Variants in PGAP1 observed in about 807,000 individuals in gnomAD.
The protein encoded by PGAP1 is GPI inositol-deacylase.
Under a neutral mutation model 127.0 loss-of-function variants are expected in PGAP1, and 76 were observed. The ratio of observed to expected loss-of-function variants is 0.60; its 90% confidence interval spans 0.50 to 0.72. The LOEUF (loss-of-function observed/expected upper bound fraction) is 0.72, where lower values mean the gene tolerates loss of function less well. PGAP1 is among the 30% of genes least tolerant of loss of function. The pLI, the probability that PGAP1 is intolerant of heterozygous loss-of-function variation, is 0.00. For synonymous variants in PGAP1, 362 were observed against 366.5 expected, an observed-to-expected ratio of 0.99 and a Z score of 0.14; for missense variants, 982 against 1,071.3, an observed-to-expected ratio of 0.92 and a Z score of 1.16.
intron 1 of PGAP1, among the ~76,000 whole-genome samples, chr2:196,924,153 C>T (rs1049847051): frequency 6.6e-6 from 1 of 151,824 alleles, no homozygotes. Flanking sequence ...AAATTTATGC[C>T]CCATCTTTTA....
chr2:196,881,667 T>G (rs1477143649), intron 12 of PGAP1, among the ~76,000 whole-genome samples: 1 of 152,256 alleles, frequency 6.6e-6, no homozygotes, highest in Non-Finnish European at 1.5e-5. Context: ...ATGTATGTCT[T>G]CTTTTGAAAA....
At chr2:196,881,862 T>C (rs1157929134) in intron 12 of PGAP1, among the ~76,000 whole-genome samples, 2 of 152,242 alleles carry the variant, frequency 1.3e-5, no homozygotes, top group African/African-American at 4.8e-5. Context: ...AGAAACTTTT[T>C]AGTTTAATTA....
At position 196,834,092 on chromosome 2, in the gene PGAP1, G is replaced by A. The variant is rs142114769; in HGVS notation, c.*7142C>T. The A allele has an allele frequency of 1.3e-5, 2 of 152,082 alleles. No individual in the cohort carries two copies. The highest frequency in any genetic ancestry group is 1.9e-4 in the East Asian group (1 of 5,178). The allele number at this position is 152,082 out of a possible 1,614,324, so 9.4% of individuals were successfully genotyped here. A position where few individuals can be genotyped will look rare whatever the true frequency, so the allele number is the denominator to read the frequency against. ...AATGAGCACAAGTCAAAGAATTCAT[G>A]TCTTTGACAGATTACTCATTAATAA... On this transcript the variant is annotated 3_prime_UTR_variant, in exon 27 of 27. Coordinates refer to ENST00000354764, the MANE Select transcript of PGAP1 (RefSeq NM_024989.4).
chr2:196,873,828 T>C (rs984545937), intron 14 of PGAP1, 70 bp from the exon 15 acceptor site: 5 of 1,054,566 alleles, frequency 4.7e-6, no homozygotes, highest in Non-Finnish European at 7.4e-6. Flanking sequence ...GATTATTTAA[T>C]TAGCATTAAG....
rs1035139164 is a variant in PGAP1, at chr2:196,862,121, C to A, written c.1861+2866G>T. On this transcript the variant is annotated intron_variant, in intron 20 of 26. Transcript: ENST00000354764. ...GGCAGAACAGAGCCATATTTCTCTTCTTTCAAAAGCAAATGGGAGAAATAT... is the reference window on the plus strand; with the variant it reads ...GGCAGAACAGAGCCATATTTCTCTTATTTCAAAAGCAAATGGGAGAAATAT... Among the ~76,000 whole-genome samples the A allele has an allele frequency of 2.6e-5, 4 of 152,140 alleles. No individual in the cohort carries two copies. The South Asian group carries it at 8.3e-4, about 32-fold the overall frequency.
chr2:196,898,388 A>G lies in PGAP1; in HGVS notation c.808-19T>C, dbSNP rs753529028. 2.5e-6 allele frequency: 4 copies of G among 1,585,428 alleles called. No individual in the cohort carries two copies. In the South Asian group the frequency reaches 4.5e-5, roughly 18 times the overall value. On this transcript the variant is annotated intron_variant, in intron 5 of 26. Coordinates refer to ENST00000354764, the MANE Select transcript of PGAP1 (RefSeq NM_024989.4). Reference sequence around the variant, plus strand: ...CTGAACTCTAAAAGAAAAGAAAAAAATAAACTTACGAAAAGCACATTTGTT... The same window carrying G: ...CTGAACTCTAAAAGAAAAGAAAAAAGTAAACTTACGAAAAGCACATTTGTT...
Position 196,836,460 on chromosome 2 carries a change from T to C in PGAP1, c.*4774A>G, listed in dbSNP as rs141779475. The C allele has an allele frequency of 1.3e-5, 2 of 152,324 alleles. No individual in the cohort carries two copies. The highest frequency in any genetic ancestry group is 4.8e-5 in the African/African-American group (2 of 41,578). 9.4% of individuals were successfully genotyped at this position (152,324 alleles called of 1,614,324 possible). On this transcript the variant is annotated 3_prime_UTR_variant, in exon 27 of 27. Transcript: ENST00000354764. ...GATAATAAATTCATATAAGTTCTTCTGTACTCAATACAATTTATCAAAAAA... is the reference window on the plus strand; with the variant it reads ...GATAATAAATTCATATAAGTTCTTCCGTACTCAATACAATTTATCAAAAAA...
At chr2:196,922,227 G>C (rs1183336613) in intron 1 of PGAP1, 3 of 1,263,064 alleles carry the variant, frequency 2.4e-6, no homozygotes, top group Admixed American at 2.5e-5. Flanking sequence ...TAAACTCCCA[G>C]GTAATAGAAA....
Position 196,833,085 on chromosome 2 carries a change from C to G in PGAP1, c.*8149G>C, listed in dbSNP as rs935124847. ...AAAAAGAAAGCACCAAAAATTACTA[C>G]ACATTAATACCTGAGCAGAGACTGA... On this transcript the variant is annotated 3_prime_UTR_variant, in exon 27 of 27. Coordinates refer to ENST00000354764, the MANE Select transcript of PGAP1 (RefSeq NM_024989.4). The G allele has an allele frequency of 6.6e-6, 1 of 152,546 alleles. No homozygotes were observed. The highest frequency in any genetic ancestry group is 1.5e-5 in the Non-Finnish European group (1 of 68,032). 9.4% of individuals were successfully genotyped at this position (152,546 alleles called of 1,614,324 possible). A position where few individuals can be genotyped will look rare whatever the true frequency, so the allele number is the denominator to read the frequency against.
At chr2:196,862,292 G>GCTCCCAGGCTTATTAGGAAGAGGAAA (rs1701094463) in intron 20 of PGAP1, among the ~76,000 whole-genome samples, 1 of 151,888 alleles carries the variant, frequency 6.6e-6, no homozygotes, top group East Asian at 1.9e-4. Flanking sequence ...CTCTCATAGT[G>GCTCCCAGGCTTATTAGGAAGAGGAAA]CTCCCAGGCT....
intron 5 of PGAP1, among the ~76,000 whole-genome samples, chr2:196,900,069 AG>A (rs1331360402): frequency 6.6e-6 from 1 of 152,172 alleles, no homozygotes; most frequent in African/African-American, 2.4e-5. Context: ...ACACAAAGTG[AG>A]TTTTTTCTAA....
Position 196,875,761 on chromosome 2 carries a change from G to T in PGAP1, c.1411C>A (p.His471Asn). The part of the protein sequence containing the change: ...EKRYIQLPVT[H>N]LFSFGLSSRK... The stretch of plus-strand genomic sequence containing the variant: ...AAGTACTTACCAAAGGAAAAAAGAT[G>T]AGTTACAGGAAGCTGTATGTATCTT... The change falls in exon 14 of 27, where the codon CAT becomes AAT. Residue 471 changes from histidine to asparagine, a missense_variant. By Grantham distance (68) the His-to-Asn change is moderately conservative. Coordinates refer to ENST00000354764, the MANE Select transcript of PGAP1 (RefSeq NM_024989.4). 6.5e-7 allele frequency: 1 copy of T among 1,541,274 alleles called. No homozygotes were observed. Among genetic ancestry groups the T allele is most frequent in the South Asian group, 1.1e-5 (1 of 87,862 alleles).
At position 196,880,956 on chromosome 2, in the gene PGAP1, T is replaced by C. The variant is rs187412953; in HGVS notation, c.1273-803A>G. ...TCATGGGGGTTTGTTGTACAGATTATTTCATCACCCAGGTACTAAGCCTAG... is the reference window on the plus strand; with the variant it reads ...TCATGGGGGTTTGTTGTACAGATTACTTCATCACCCAGGTACTAAGCCTAG... On this transcript the variant is annotated intron_variant, in intron 12 of 26. Transcript: ENST00000354764. Among the ~76,000 whole-genome samples the C allele has an allele frequency of 4.9e-4, 75 of 152,288 alleles. 1 individual carries two copies. In the East Asian group the frequency reaches 0.01, roughly 21 times the overall value.
intron 4 of PGAP1, among the ~76,000 whole-genome samples, chr2:196,905,223 T>A (rs2125829746): frequency 6.6e-6 from 1 of 152,286 alleles, no homozygotes; most frequent in African/African-American, 2.4e-5. Context: ...ATACGGGTCA[T>A]CTACATACAC....
At chr2:196,897,839 C>T (rs1702338699) in intron 6 of PGAP1, among the ~76,000 whole-genome samples, 1 of 152,170 alleles carries the variant, frequency 6.6e-6, no homozygotes, top group South Asian at 2.1e-4. Flanking sequence ...CTTGGTCAAA[C>T]TGAAACAAGA....
intron 5 of PGAP1, among the ~76,000 whole-genome samples, 175 bp downstream of exon 5, chr2:196,902,410 T>C (rs1702526719): frequency 6.6e-6 from 1 of 151,536 alleles, no homozygotes; most frequent in South Asian, 2.1e-4. Flanking sequence ...CATTCATTCA[T>C]TCATTTTCTC....
At chr2:196,866,007 T>A (rs1273041500) in intron 19 of PGAP1, among the ~76,000 whole-genome samples, 1 of 152,194 alleles carries the variant, frequency 6.6e-6, no homozygotes, top group African/African-American at 2.4e-5. Flanking sequence ...TTCATGCTCA[T>A]GGATAGGAAG....
chr2:196,845,377 T>C (rs1466897664), intron 23 of PGAP1, among the ~76,000 whole-genome samples: 3 of 151,646 alleles, frequency 2.0e-5, no homozygotes, highest in African/African-American at 4.8e-5. Context: ...TTTGCAAAGC[T>C]GTCAGCTTTA....
At position 196,844,003 on chromosome 2, in the gene PGAP1, A is replaced by C. The variant is rs199805706; in HGVS notation, c.2410T>G (p.Leu804Val). The C allele has an allele frequency of 4.4e-6, 7 of 1,608,694 alleles. No homozygotes were observed. Among genetic ancestry groups the C allele is most frequent in the Non-Finnish European group, 6.0e-6 (7 of 1,176,252 alleles). ...CTATCTTCAGCATCGTTGGCAGATA[A>C]ACGAAGATGGTGTATTGAGGAGTCT... ...HKDSSIHHLRLSANDAEDSLR... is the reference protein window; with the variant it reads ...HKDSSIHHLRVSANDAEDSLR... Residue 804 changes from leucine to valine, a missense_variant, in exon 25 of 27, where the codon TTA becomes GTA. By Grantham distance (32) the Leu-to-Val change is conservative (BLOSUM62 1). Transcript: ENST00000354764.
Sources: allele counts gnomAD v4.1 joint callset (sites outside exome capture counted in the v4.1 genomes callset), GRCh38; gene constraint gnomAD v4.1.1; transcripts MANE v1.5; gene names NCBI Gene and HGNC (gene_info 2026-07-23, HGNC 2026-07-21).